ORM2: variants seen among roughly 807,000 people sequenced by gnomAD.
The protein encoded by ORM2 is orosomucoid 2.
A neutral mutation model predicts 26.8 loss-of-function variants in ORM2; 19 were observed. The observed-to-expected ratio is 0.71, with a 90% CI of 0.49 to 1.04. ORM2 has a LOEUF of 1.04. ORM2 is among the 50% of genes least tolerant of loss of function. The pLI, the probability that ORM2 is intolerant of heterozygous loss-of-function variation, is 0.00. For missense variants in ORM2, 259 were observed against 244.9 expected (o/e 1.06, Z -0.39); for synonymous variants, 94 against 100.0 (o/e 0.94, Z 0.36).
rs1829838750 is a variant in ORM2 at position 114,330,810 on chromosome 9, T to C, written c.276T>C (p.Tyr92=). Residue 92 remains tyrosine, a synonymous_variant, in exon 3 of 6, where the codon TAT becomes TAC. Coordinates refer to ENST00000431067, the MANE Select transcript of ORM2 (RefSeq NM_000608.4). Reference sequence around the variant, plus strand: ...ACTTTAGCCAGAACCAGTGCTTCTATAACTCCAGTTACCTGAATGTCCAGC... The same window carrying C: ...ACTTTAGCCAGAACCAGTGCTTCTACAACTCCAGTTACCTGAATGTCCAGC... The part of the protein sequence containing the change: ...EYQTRQNQCF[Y]NSSYLNVQRE... 1.9e-6 allele frequency: 3 copies of C among 1,614,012 alleles called. No homozygotes were observed. The South Asian group carries it at 3.3e-5, about 18-fold the overall frequency.
intron 5 of ORM2, 100 bp downstream of exon 5, chr9:114,332,029 C>T: frequency 1.0e-6 from 1 of 965,288 alleles, no homozygotes; most frequent in East Asian, 2.5e-5. Flanking sequence ...GGCTGCACAG[C>T]TAGGCAGATC....
rs200297984 is a variant in ORM2 at position 114,330,471 on chromosome 9, G to A, written c.152G>A (p.Arg51Gln). The A allele has an allele frequency of 4.2e-5, 68 of 1,609,418 alleles. No individual in the cohort carries two copies. Among genetic ancestry groups the A allele is most frequent in the African/African-American group, 1.8e-4 (13 of 71,580 alleles). Residue 51 changes from arginine (R) to glutamine (Q), a missense_variant, in exon 2 of 6, where the codon CGA becomes CAA. Coordinates refer to ENST00000431067, the MANE Select transcript of ORM2 (RefSeq NM_000608.4). ...GKWFYIASAFRNEEYNKSVQE... is the reference protein window; with the variant it reads ...GKWFYIASAFQNEEYNKSVQE... Reference sequence around the variant, plus strand: ...TGGTTTTATATCGCATCGGCCTTTCGAAACGAGGAGTACAATAAGTCGGTT... The same window carrying A: ...TGGTTTTATATCGCATCGGCCTTTCAAAACGAGGAGTACAATAAGTCGGTT...
chr9:114,331,408 G>A (rs1829849005), intron 3 of ORM2, among the ~76,000 whole-genome samples, 159 bp from the exon 4 acceptor site: 1 of 152,072 alleles, frequency 6.6e-6, no homozygotes, highest in Non-Finnish European at 1.5e-5. Flanking sequence ...GCGTGGAGCT[G>A]GGCACGCAGC....
At chr9:114,332,697 A>G (rs1283820708) in intron 5 of ORM2, among the ~76,000 whole-genome samples, 6 of 151,988 alleles carry the variant, frequency 3.9e-5, no homozygotes, top group Non-Finnish European at 7.4e-5. Flanking sequence ...TGGCACCTCC[A>G]CTGTCTGGCT....
At chr9:114,332,489 C>A (rs1337921020) in intron 5 of ORM2, among the ~76,000 whole-genome samples, 1 of 152,136 alleles carries the variant, frequency 6.6e-6, no homozygotes, top group Admixed American at 6.5e-5. Context: ...AATCACAGCA[C>A]CGATGAGCTG....
chr9:114,330,166 C>T lies in ORM2; in HGVS notation c.114+148C>T, dbSNP rs1046977590. The T allele has an allele frequency of 5.3e-6, 7 of 1,322,666 alleles. No individual in the cohort carries two copies. The East Asian group carries it at 1.0e-4, about 19-fold the overall frequency. The allele number at this position is 1,322,666 out of a possible 1,614,324, so 81.9% of individuals were successfully genotyped here. A position where few individuals can be genotyped will look rare whatever the true frequency, so the allele number is the denominator to read the frequency against. On this transcript the variant is annotated intron_variant, in intron 1 of 5. Transcript: ENST00000431067. The stretch of plus-strand genomic sequence containing the variant: ...TCCCCAGGGTGAAATTCTCACCAGC[C>T]CAGGGGACTCTGGAGGCACCCCCTG...
Position 114,331,562 on chromosome 9 carries a change from T to G in ORM2, c.329-5T>G. The G allele has an allele frequency of 6.2e-7, 1 of 1,611,832 alleles. No homozygotes were observed. The highest frequency in any genetic ancestry group is 8.5e-7 in the Non-Finnish European group (1 of 1,178,228). ...TCTCACCCAGAGGCTCTTTTTCTCTTCCAGAGGGAGGCCGAGAACATGTTG... is the reference window on the plus strand; with the variant it reads ...TCTCACCCAGAGGCTCTTTTTCTCTGCCAGAGGGAGGCCGAGAACATGTTG... On this transcript the variant is annotated splice_region_variant and splice_polypyrimidine_tract_variant and intron_variant, in intron 3 of 5. Transcript: ENST00000431067.
Position 114,333,174 on chromosome 9 carries a change from A to G in ORM2, c.*40A>G. 2.1e-6 allele frequency: 3 copies of G among 1,413,660 alleles called. No homozygotes were observed. Among genetic ancestry groups the G allele is most frequent in the Non-Finnish European group, 2.9e-6 (3 of 1,031,948 alleles). 87.6% of individuals were successfully genotyped at this position (1,413,660 alleles called of 1,614,324 possible). ...GGATCAGGACAGAGACTTGGGGGCC[A>G]TCCTGCCCCTCCAACCCGACATGTG... On this transcript the variant is annotated 3_prime_UTR_variant, in exon 6 of 6. Coordinates refer to ENST00000431067, the MANE Select transcript of ORM2 (RefSeq NM_000608.4).
In ORM2 at chr9:114,330,786, C is replaced by A; in HGVS notation, c.258-6C>A. On this transcript the variant is annotated splice_region_variant and splice_polypyrimidine_tract_variant and intron_variant, in intron 2 of 5. Transcript: ENST00000431067. The stretch of plus-strand genomic sequence containing the variant: ...TGTTTTTCTTCCGCCTTCTGGTTGA[C>A]TTTAGCCAGAACCAGTGCTTCTATA... 3 of 1,613,648 alleles carry A rather than the reference C, an allele frequency of 1.9e-6. No individual in the cohort carries two copies. Among genetic ancestry groups the A allele is most frequent in the Non-Finnish European group, 1.7e-6 (2 of 1,179,704 alleles).
At chr9:114,331,959 C>T (rs943066747) in intron 5 of ORM2, 30 bp downstream of exon 5, 4 of 1,592,774 alleles carry the variant, frequency 2.5e-6, no homozygotes, top group African/African-American at 1.4e-5. Context: ...CAGTGCCCAC[C>T]TTGTCCATGG....
rs753382047 is a variant in ORM2, at chr9:114,331,981, C to T, written c.540+52C>T. 3.9e-6 allele frequency: 6 copies of T among 1,524,928 alleles called. No homozygotes were observed. In the African/African-American group the frequency reaches 8.8e-5, roughly 22 times the overall value. The allele number at this position is 1,524,928 out of a possible 1,614,324, so 94.5% of individuals were successfully genotyped here. On this transcript the variant is annotated intron_variant, in intron 5 of 5. Transcript: ENST00000431067. ...CACCTTGTCCATGGCCCAACTTGGG[C>T]AGCCCCAGAGGCCCAGAGCAGGAAA...
chr9:114,332,031 A>C, intron 5 of ORM2, 102 bp downstream of exon 5: 1 of 966,226 alleles, frequency 1.0e-6, no homozygotes, highest in Non-Finnish European at 1.6e-6. Context: ...CTGCACAGCT[A>C]GGCAGATCTT....
intron 3 of ORM2, 56 bp from the exon 4 acceptor site, chr9:114,331,511 A>G: frequency 7.1e-7 from 1 of 1,410,746 alleles, no homozygotes. Context: ...CACCTGTAAG[A>G]CAGGCACCAT....
chr9:114,333,044 A>T (rs1480186958), intron 5 of ORM2, 25 bp from the exon 6 acceptor site: 2 of 1,589,984 alleles, frequency 1.3e-6, no homozygotes, highest in Non-Finnish European at 8.6e-7. Context: ...CTTCTCCCTC[A>T]CCCCAATTCC....
At chr9:114,330,353 A>C (rs750553420) in intron 1 of ORM2, 81 bp from the exon 2 acceptor site, 1 of 1,481,794 alleles carries the variant, frequency 6.7e-7, no homozygotes, top group Non-Finnish European at 9.3e-7. Context: ...AATCAGGGAG[A>C]GATCTGCCTG....
At chr9:114,332,177 G>A (rs1281156276) in intron 5 of ORM2, among the ~76,000 whole-genome samples, 2 of 151,892 alleles carry the variant, frequency 1.3e-5, no homozygotes, top group Admixed American at 6.5e-5. Flanking sequence ...GGAACAGCGT[G>A]AGCCACGGGG....
intron 3 of ORM2, among the ~76,000 whole-genome samples, 177 bp downstream of exon 3, chr9:114,331,039 T>G (rs944717797): frequency 5.9e-5 from 9 of 152,026 alleles, no homozygotes; most frequent in African/African-American, 1.7e-4. Flanking sequence ...GAGAATTAGA[T>G]GAGGAAACAT....
At chr9:114,331,115 C>A (rs574794204) in intron 3 of ORM2, among the ~76,000 whole-genome samples, 3 of 152,248 alleles carry the variant, frequency 2.0e-5, no homozygotes, top group East Asian at 3.9e-4. Context: ...AGAATTGGAA[C>A]TCCAGGCTGG....
chr9:114,331,014 CT>C (rs1588925442), intron 3 of ORM2, 152 bp downstream of exon 3: 3 of 637,160 alleles, frequency 4.7e-6, no homozygotes, highest in East Asian at 5.4e-5. Context: ...GAAAAAATCC[CT>C]AAGAAGACAC....
Sources: gnomAD v4.1 joint callset for allele counts (sites outside exome capture counted in the v4.1 genomes callset) on GRCh38, gnomAD v4.1.1 for gene constraint, MANE v1.5 for transcripts, NCBI Gene and HGNC (gene_info 2026-07-23, HGNC 2026-07-21) for gene names.